NAV2: variants seen among roughly 807,000 people sequenced by gnomAD.
The protein encoded by NAV2 is neuron navigator 2.
Under a neutral mutation model 223.2 loss-of-function variants are expected in NAV2, and 54 were observed. The ratio of observed to expected loss-of-function variants is 0.24; its 90% CI spans 0.19 to 0.30. The LOEUF is 0.30. Ranked by LOEUF, NAV2 falls within the 10% of genes least tolerant of loss-of-function variation. The pLI is 1.00. For missense variants in NAV2, 2,806 were observed against 3,147.5 expected, an observed-to-expected ratio of 0.89 and a Z score of 2.60; for synonymous variants, 1,279 against 1,239.3, an observed-to-expected ratio of 1.03 and a Z score of -0.67.
At chr11:20,044,580 G>A (rs1343091355) in intron 13 of NAV2, among the ~76,000 whole-genome samples, 1 of 152,160 alleles carries the variant, frequency 6.6e-6, no homozygotes, top group Non-Finnish European at 1.5e-5. Context: ...TGGGTGTATG[G>A]TGAGTTGATG....
chr11:19,916,446 C>T (rs1026259614), intron 6 of NAV2, among the ~76,000 whole-genome samples: 41 of 152,200 alleles, frequency 2.7e-4, no homozygotes, highest in African/African-American at 9.7e-4. Flanking sequence ...TGTTAACTGG[C>T]TTAAATAGAA....
At chr11:19,390,145 C>T (rs545172953) in intron 1 of NAV2, among the ~76,000 whole-genome samples, 1 of 152,274 alleles carries the variant, frequency 6.6e-6, no homozygotes, top group East Asian at 1.9e-4. Context: ...ATTCCAGGAT[C>T]CTCACCATGG....
chr11:19,575,475 C>G (rs2045545803), intron 1 of NAV2: 1 of 153,904 alleles, frequency 6.5e-6, no homozygotes. Context: ...TAGCCTTGCT[C>G]TTGCCTCTTC....
At chr11:20,039,330 G>A (rs2056693607) in intron 12 of NAV2, among the ~76,000 whole-genome samples, 1 of 152,184 alleles carries the variant, frequency 6.6e-6, no homozygotes, top group Non-Finnish European at 1.5e-5. Context: ...ACAGGGAAAT[G>A]CTTTATCAGC....
chr11:19,618,393 G>GATGGATGGATGTATGTATGA (rs796800924), intron 1 of NAV2, among the ~76,000 whole-genome samples: 2 of 19,714 alleles, frequency 1.0e-4, no homozygotes, highest in African/African-American at 1.5e-4. Context: ...TGGATGGATG[G>GATGGATGGATGTATGTATGA]ATGAATAGAT....
chr11:19,865,544 G>A (rs1210882816), intron 3 of NAV2, among the ~76,000 whole-genome samples: 2 of 152,222 alleles, frequency 1.3e-5, no homozygotes, highest in South Asian at 2.1e-4. Flanking sequence ...CGTGGGTCTC[G>A]GCCGCCTTGT....
intron 1 of NAV2, among the ~76,000 whole-genome samples, chr11:19,627,399 A>AG (rs2047202369): frequency 6.6e-6 from 1 of 151,910 alleles, no homozygotes; most frequent in Non-Finnish European, 1.5e-5. Flanking sequence ...AAAAAAAAAA[A>AG]GAGATCCATG....
In NAV2 at chr11:19,998,311, CT is replaced by C. The variant is rs1265991440; in HGVS notation, c.2768+14065del. Among the ~76,000 whole-genome samples the C allele has an allele frequency of 6.6e-6, 1 of 151,996 alleles. No individual in the cohort carries two copies. The highest frequency in any genetic ancestry group is 2.4e-5 in the African/African-American group (1 of 41,390). ...TCTCCGCCCACCTCCCTCTCCTTCT[CT>C]CTCATTGGCCATGGTGCAGGGGTCT... On this transcript the variant is annotated intron_variant, in intron 11 of 37. Transcript: ENST00000349880. This position sits in a 1 kb window ranked among gnomAD's most constrained non-coding sequence, Gnocchi z 5.0.
At chr11:20,008,977 C>T (rs551334449) in intron 11 of NAV2, among the ~76,000 whole-genome samples, 49 of 152,264 alleles carry the variant, frequency 3.2e-4, no homozygotes, top group African/African-American at 1.2e-3. Flanking sequence ...ACGTTTCCTT[C>T]TTATTAGTCC....
intron 10 of NAV2, among the ~76,000 whole-genome samples, chr11:19,978,070 C>G (rs2049953127): frequency 2.0e-5 from 3 of 151,864 alleles, no homozygotes; most frequent in African/African-American, 4.8e-5. Context: ...GGTGATCCAC[C>G]CACCTCAGCC....
intron 2 of NAV2, among the ~76,000 whole-genome samples, chr11:19,835,248 C>G (rs1370553531): frequency 6.6e-6 from 1 of 152,158 alleles, no homozygotes; most frequent in Non-Finnish European, 1.5e-5. Flanking sequence ...GTTGTCCAGG[C>G]CACACCTGAG....
chr11:19,646,113 A>AT (rs1462502710), intron 1 of NAV2, among the ~76,000 whole-genome samples: 1 of 152,220 alleles, frequency 6.6e-6, no homozygotes, highest in Non-Finnish European at 1.5e-5. Context: ...CTTGCAGATT[A>AT]TCCCCTGGCT....
intron 1 of NAV2, among the ~76,000 whole-genome samples, chr11:19,609,848 G>A (rs1217743493): frequency 6.6e-6 from 1 of 152,232 alleles, no homozygotes; most frequent in Non-Finnish European, 1.5e-5. Flanking sequence ...ATTGGCTCTA[G>A]TGCCAAGACT....
chr11:19,997,533 G>C (rs764050959), intron 11 of NAV2, among the ~76,000 whole-genome samples: 1 of 152,098 alleles, frequency 6.6e-6, no homozygotes, highest in Non-Finnish European at 1.5e-5. Flanking sequence ...TATGTTCTAG[G>C]TGTTCTCCTA....
At chr11:19,740,394 A>G (rs1032423627) in intron 1 of NAV2, among the ~76,000 whole-genome samples, 1 of 152,066 alleles carries the variant, frequency 6.6e-6, no homozygotes, top group Admixed American at 6.5e-5. Flanking sequence ...ACCACTCCCT[A>G]ATCTCAAGTA....
At chr11:19,753,263 C>T (rs1230315205) in intron 1 of NAV2, among the ~76,000 whole-genome samples, 1 of 152,190 alleles carries the variant, frequency 6.6e-6, no homozygotes, top group Non-Finnish European at 1.5e-5. Context: ...TCATCTTGAC[C>T]ATGATTTTGC....
chr11:19,599,071 G>T (rs1037833516), intron 1 of NAV2, among the ~76,000 whole-genome samples: 1 of 152,204 alleles, frequency 6.6e-6, no homozygotes, highest in African/African-American at 2.4e-5. Context: ...TGTGGCCCAG[G>T]CCACCCACGT....
At chr11:19,541,229 G>A (rs983653805) in intron 1 of NAV2, among the ~76,000 whole-genome samples, 2 of 152,206 alleles carry the variant, frequency 1.3e-5, no homozygotes, top group Non-Finnish European at 2.9e-5. Context: ...TGGATTTGGG[G>A]TGGTGGCAAG....
At chr11:19,512,641 A>G (rs2043314507) in intron 1 of NAV2, among the ~76,000 whole-genome samples, 1 of 152,236 alleles carries the variant, frequency 6.6e-6, no homozygotes, top group African/African-American at 2.4e-5. Context: ...GAATTGCTGA[A>G]TAACTCGGGA....
Sources: gnomAD v4.1 joint callset for allele counts (sites outside exome capture counted in the v4.1 genomes callset) on GRCh38, gnomAD v4.1.1 for gene constraint, Gnocchi (gnomAD v3.1) non-coding constraint, MANE v1.5 for transcripts, NCBI Gene and HGNC (gene_info 2026-07-23, HGNC 2026-07-21) for gene names.